MAD1L1: variants seen among roughly 807,000 people sequenced by gnomAD.
MAD1L1 encodes mitotic arrest deficient 1 like 1.
In MAD1L1, 95 loss-of-function variants were observed where a neutral mutation model predicts 96.9. The ratio of observed to expected loss-of-function variants is 0.98; its 90% CI spans 0.83 to 1.16. The LOEUF (loss-of-function observed/expected upper bound fraction) is 1.16, where lower values mean the gene tolerates loss of function less well. MAD1L1 is among the 50% of genes most tolerant of loss of function. The pLI is 0.00. For missense variants in MAD1L1, 1,007 were observed against 954.4 expected (o/e 1.06, Z -0.73); for synonymous variants, 473 against 396.6 (o/e 1.19, Z -2.29).
intron 12 of MAD1L1, among the ~76,000 whole-genome samples, chr7:2,068,674 G>A (rs926442401): frequency 5.9e-5 from 9 of 152,284 alleles, no homozygotes; most frequent in Middle Eastern, 6.8e-3. Context: ...CACAAAAACC[G>A]TCTTTCATGC....
At chr7:2,168,467 G>T (rs1790544720) in intron 10 of MAD1L1, among the ~76,000 whole-genome samples, 1 of 152,344 alleles carries the variant, frequency 6.6e-6, no homozygotes, top group South Asian at 2.1e-4. Flanking sequence ...CAGAACTCTA[G>T]AAAGGCAACA....
chr7:2,159,651 A>G (rs367870391), intron 10 of MAD1L1, among the ~76,000 whole-genome samples: 2 of 152,234 alleles, frequency 1.3e-5, no homozygotes, highest in South Asian at 2.1e-4. Flanking sequence ...AAAAAAAATC[A>G]TATCATTCCA....
intron 18 of MAD1L1, among the ~76,000 whole-genome samples, chr7:1,816,478 T>C (rs1443905760): frequency 6.6e-6 from 1 of 152,152 alleles, no homozygotes; most frequent in Non-Finnish European, 1.5e-5. Flanking sequence ...CCAGGCACTG[T>C]GGGGTGTGCC....
chr7:1,855,439 C>A (rs931250676), intron 18 of MAD1L1, among the ~76,000 whole-genome samples: 1 of 152,048 alleles, frequency 6.6e-6, no homozygotes. Context: ...CTGACTATAA[C>A]AGCGGGAGGA....
At chr7:1,878,971 T>C (rs1358744107) in intron 18 of MAD1L1, among the ~76,000 whole-genome samples, 1 of 152,224 alleles carries the variant, frequency 6.6e-6, no homozygotes, top group Non-Finnish European at 1.5e-5. Flanking sequence ...CAATTATTTC[T>C]ATATATTAGG....
chr7:1,886,748 G>A (rs1404913982), intron 18 of MAD1L1, among the ~76,000 whole-genome samples: 3 of 152,262 alleles, frequency 2.0e-5, no homozygotes, highest in Non-Finnish European at 4.4e-5. Flanking sequence ...TGCCAGCTGT[G>A]GCCAGGCACA....
intron 18 of MAD1L1, among the ~76,000 whole-genome samples, chr7:1,870,305 C>A (rs906236656): frequency 3.4e-5 from 5 of 147,744 alleles, no homozygotes; most frequent in African/African-American, 7.6e-5. Context: ...ACACCTGCCA[C>A]GCTGAACCTA....
At chr7:1,964,348 A>C (rs1440013818) in intron 15 of MAD1L1, among the ~76,000 whole-genome samples, 1 of 152,202 alleles carries the variant, frequency 6.6e-6, no homozygotes, top group Non-Finnish European at 1.5e-5. Context: ...GAATGAGCGC[A>C]CGCGTGTAGC....
Position 2,003,704 on chromosome 7 carries a change from C to T in MAD1L1, c.1360-1583G>A, listed in dbSNP as rs769287185. On this transcript the variant is annotated intron_variant, in intron 13 of 18. Transcript: ENST00000265854. ...CTGTGGATGAGGGGAAGGCCTTGAG[C>T]TCTGCCCATGACCAGCCCCGCCTGC... Among the ~76,000 whole-genome samples the T allele has an allele frequency of 1.8e-4, 27 of 152,308 alleles. 1 individual carries two copies. Among genetic ancestry groups the T allele is most frequent in the Non-Finnish European group, 3.4e-4 (23 of 68,012 alleles).
intron 16 of MAD1L1, among the ~76,000 whole-genome samples, chr7:1,951,377 G>A (rs543335328): frequency 3.9e-5 from 6 of 152,292 alleles, no homozygotes; most frequent in African/African-American, 1.2e-4. Context: ...TGCCCCTCCC[G>A]TCCGGGGTGT....
At chr7:1,977,647 T>TTC (rs1780708222) in intron 15 of MAD1L1, among the ~76,000 whole-genome samples, 1 of 152,228 alleles carries the variant, frequency 6.6e-6, no homozygotes, top group South Asian at 2.1e-4. Context: ...ATATCAATGA[T>TTC]AAAGGCCTTT....
At chr7:2,193,733 C>G (rs190398250) in intron 10 of MAD1L1, among the ~76,000 whole-genome samples, 29 of 152,332 alleles carry the variant, frequency 1.9e-4, no homozygotes, top group African/African-American at 6.7e-4. Context: ...AAGGCTCCAG[C>G]CAGAGCAGGT....
chr7:1,965,290 C>T (rs1443605104), intron 15 of MAD1L1, among the ~76,000 whole-genome samples: 1 of 152,216 alleles, frequency 6.6e-6, no homozygotes, highest in African/African-American at 2.4e-5. Flanking sequence ...CCCCTCCAGG[C>T]TTGTTTGTCA....
chr7:1,938,901 GCGCACACACACACACA>G (rs1778776323), intron 16 of MAD1L1, among the ~76,000 whole-genome samples: 1 of 61,280 alleles, frequency 1.6e-5, no homozygotes, highest in East Asian at 4.2e-4. Flanking sequence ...GGCCAGAGGC[GCGCACACACACACACA>G]CACACACACA....
chr7:2,008,119 G>A (rs534582805), intron 13 of MAD1L1, among the ~76,000 whole-genome samples: 1 of 152,350 alleles, frequency 6.6e-6, no homozygotes, highest in Admixed American at 6.5e-5. Flanking sequence ...ATTTTACTGA[G>A]TATAAATCAT....
chr7:1,960,815 C>A (rs372652999), intron 15 of MAD1L1, among the ~76,000 whole-genome samples: 2 of 152,144 alleles, frequency 1.3e-5, no homozygotes, highest in African/African-American at 4.8e-5. Flanking sequence ...ATAAATGCTT[C>A]GACTCTTAAG....
chr7:1,980,077 C>T (rs1016566658), intron 15 of MAD1L1, among the ~76,000 whole-genome samples: 4 of 152,230 alleles, frequency 2.6e-5, no homozygotes, highest in Admixed American at 1.3e-4. Context: ...CAGCCACCCA[C>T]GGGGGAGCAC....
chr7:2,057,438 C>T (rs954594404), intron 12 of MAD1L1, among the ~76,000 whole-genome samples: 2 of 152,138 alleles, frequency 1.3e-5, no homozygotes. Flanking sequence ...TGCTTGAACC[C>T]GGGAGGCAGA....
chr7:1,830,927 C>T (rs894934063), intron 18 of MAD1L1, among the ~76,000 whole-genome samples: 14 of 152,156 alleles, frequency 9.2e-5, no homozygotes, highest in African/African-American at 3.1e-4. Flanking sequence ...ATGTAAATGG[C>T]CCAGTGAAAA....
Sources: allele counts gnomAD v4.1 joint callset (sites outside exome capture counted in the v4.1 genomes callset), GRCh38; gene constraint gnomAD v4.1.1; transcripts MANE v1.5; gene names NCBI Gene and HGNC (gene_info 2026-07-23, HGNC 2026-07-21).